SYCP1: variants seen among roughly 807,000 people sequenced by gnomAD.
SYCP1 encodes the protein synaptonemal complex protein 1.
SYCP1 carries 64 observed loss-of-function variants against 153.1 expected under a neutral mutation model. The ratio of observed to expected loss-of-function variants is 0.42; its 90% CI spans 0.34 to 0.51. The LOEUF is 0.51. Among genes scored for constraint, SYCP1 ranks in the 20% least tolerant of loss-of-function variants. The probability of loss-of-function intolerance (pLI) is 0.06; values close to 1 mark genes in which losing one functional copy is unlikely to be tolerated. For synonymous variants in SYCP1, 384 were observed against 341.8 expected, an observed-to-expected ratio of 1.12 and a Z score of -1.36; for missense variants, 997 against 1,049.0, an observed-to-expected ratio of 0.95 and a Z score of 0.68.
At chr1:114,957,394 G>C (rs1310768394) in intron 27 of SYCP1, among the ~76,000 whole-genome samples, 1 of 152,158 alleles carries the variant, frequency 6.6e-6, no homozygotes, top group Non-Finnish European at 1.5e-5. Flanking sequence ...AAGATTATTT[G>C]AGTGAGACCT....
At chr1:114,921,507 T>A (rs1668873721) in intron 20 of SYCP1, among the ~76,000 whole-genome samples, 1 of 151,846 alleles carries the variant, frequency 6.6e-6, no homozygotes, top group African/African-American at 2.4e-5. Flanking sequence ...GGTGAAACCC[T>A]GTCTCTACTA....
intron 16 of SYCP1, among the ~76,000 whole-genome samples, chr1:114,897,683 T>C (rs1376408041): frequency 6.6e-6 from 1 of 152,160 alleles, no homozygotes; most frequent in African/African-American, 2.4e-5. Context: ...AAGGTTTTTT[T>C]CCAAAGGAGT....
chr1:114,880,088 G>C (rs928089773), intron 12 of SYCP1, among the ~76,000 whole-genome samples: 1 of 151,654 alleles, frequency 6.6e-6, no homozygotes, highest in Non-Finnish European at 1.5e-5. Context: ...TATTTCTATC[G>C]TTTCTTTTTT....
upstream of SYCP1, among the ~76,000 whole-genome samples, chr1:114,854,345 A>G (rs1229116530): frequency 1.3e-5 from 2 of 151,894 alleles, no homozygotes; most frequent in Admixed American, 6.5e-5. Flanking sequence ...CGTTGCCCAG[A>G]CTGGTCTTGA....
At chr1:114,906,370 C>T (rs149641695) in intron 16 of SYCP1, among the ~76,000 whole-genome samples, 115 of 152,120 alleles carry the variant, frequency 7.6e-4, no homozygotes, top group Non-Finnish European at 1.3e-3. Context: ...TTTTCAATCT[C>T]ATTGTTTTCT....
At chr1:114,869,570 A>G (rs1241283029) in intron 8 of SYCP1, among the ~76,000 whole-genome samples, 3 of 152,184 alleles carry the variant, frequency 2.0e-5, no homozygotes, top group Non-Finnish European at 4.4e-5. Context: ...ATCCAACTAC[A>G]GGTTAAGCAG....
At chr1:114,973,989 G>C (rs929349201) in intron 27 of SYCP1, among the ~76,000 whole-genome samples, 3 of 151,064 alleles carry the variant, frequency 2.0e-5, no homozygotes, top group Admixed American at 2.0e-4. Context: ...TGTTTTTTTT[G>C]GAAATAGTAT....
chr1:114,964,995 G>C (rs986592436), intron 27 of SYCP1, among the ~76,000 whole-genome samples: 5 of 152,160 alleles, frequency 3.3e-5, no homozygotes, highest in Non-Finnish European at 5.9e-5. Flanking sequence ...CTATCCATGA[G>C]CATGGAATGT....
intron 8 of SYCP1, among the ~76,000 whole-genome samples, chr1:114,862,101 A>G (rs958967143): frequency 6.6e-6 from 1 of 152,032 alleles, no homozygotes; most frequent in Non-Finnish European, 1.5e-5. Flanking sequence ...GCACCCGGCC[A>G]GGATTTTTAT....
chr1:114,930,054 G>A (rs546656691), intron 23 of SYCP1, among the ~76,000 whole-genome samples: 7 of 151,984 alleles, frequency 4.6e-5, no homozygotes, highest in South Asian at 2.1e-4. Context: ...GGAAAAGCCC[G>A]GATATTTGAG....
Position 114,947,293 on chromosome 1 carries a change from G to C in SYCP1, c.2295G>C (p.Lys765Asn). The part of the protein sequence containing the change: ...NLKAELLSVK[K>N]QLEIEREEKE... ...AAGCTGAACTTTTGTCTGTTAAGAA[G>C]CAACTTGAAATAGAAAGAGAAGAGA... is the stretch of plus-strand genomic sequence containing the variant. The change falls in exon 27 of 32, where the codon AAG (lysine) becomes AAC (asparagine). Residue 765 changes from lysine to asparagine, a missense_variant. Coordinates refer to ENST00000369522, the MANE Select transcript of SYCP1 (RefSeq NM_003176.4). The C allele has an allele frequency of 6.2e-7, 1 of 1,613,018 alleles. No individual in the cohort carries two copies. The highest frequency in any genetic ancestry group is 8.5e-7 in the Non-Finnish European group (1 of 1,179,566).
chr1:114,937,745 C>G (rs893736031), intron 23 of SYCP1, among the ~76,000 whole-genome samples: 2 of 152,142 alleles, frequency 1.3e-5, no homozygotes, highest in Admixed American at 6.5e-5. Context: ...AGGATATGAA[C>G]AGACACTTCT....
At position 114,886,189 on chromosome 1, in the gene SYCP1, A is replaced by G. The variant is rs1353776965; in HGVS notation, c.1070A>G (p.Glu357Gly). ...IATKTICQLTEEKETQMEESN... is the reference protein window; with the variant it reads ...IATKTICQLTGEKETQMEESN... ...ACAAAAACAATTTGTCAGCTAACTG[A>G]AGAAAAAGAAACTCAAATGGAAGAA... Residue 357 changes from glutamate to glycine, a missense_variant, in exon 14 of 32, where the codon GAA (glutamate) becomes GGA (glycine). By Grantham distance (98) the Glu-to-Gly change is moderately conservative (BLOSUM62 -2). Coordinates refer to ENST00000369522, the MANE Select transcript of SYCP1 (RefSeq NM_003176.4). 1.2e-6 allele frequency: 2 copies of G among 1,612,020 alleles called. No homozygotes were observed. Among genetic ancestry groups the G allele is most frequent in the African/African-American group, 2.7e-5 (2 of 74,816 alleles).
At chr1:114,903,527 T>C (rs770397119) in intron 16 of SYCP1, among the ~76,000 whole-genome samples, 27 of 152,152 alleles carry the variant, frequency 1.8e-4, no homozygotes, top group Non-Finnish European at 3.1e-4. Flanking sequence ...GAGTACATGA[T>C]GAAGTGAAAG....
At position 114,994,899 on chromosome 1, in the gene SYCP1, A is replaced by ACGGCC; in HGVS notation, c.2811_2812insCGGCC (p.Thr938ArgfsTer8). On this transcript the variant is annotated frameshift_variant, in exon 32 of 32. Transcript: ENST00000369522. LOFTEE classifies it high-confidence loss of function. Reference sequence around the variant, plus strand: ...GTACTCAGGCCCCTTCATCTCTAACAACCCCTGGATCTACACTGAAGTTTG... The same window carrying ACGGCC: ...GTACTCAGGCCCCTTCATCTCTAACACGGCCACCCCTGGATCTACACTGAAGTTTG... 1 of 1,593,478 alleles carries ACGGCC rather than the reference A, an allele frequency of 6.3e-7. No individual in the cohort carries two copies. Among genetic ancestry groups the ACGGCC allele is most frequent in the Non-Finnish European group, 8.5e-7 (1 of 1,170,630 alleles).
intron 16 of SYCP1, among the ~76,000 whole-genome samples, chr1:114,900,903 A>C (rs1667401024): frequency 6.6e-6 from 1 of 152,232 alleles, no homozygotes; most frequent in Admixed American, 6.5e-5. Flanking sequence ...CCACCTATTT[A>C]TATTTTGATG....
At chr1:114,946,794 C>T (rs1002504245) in intron 26 of SYCP1, among the ~76,000 whole-genome samples, 1 of 152,100 alleles carries the variant, frequency 6.6e-6, no homozygotes, top group African/African-American at 2.4e-5. Flanking sequence ...GGCTGGAGTG[C>T]ACTGGCATGA....
chr1:114,974,529 C>T (rs1672691160), intron 27 of SYCP1, among the ~76,000 whole-genome samples: 1 of 151,796 alleles, frequency 6.6e-6, no homozygotes, highest in Non-Finnish European at 1.5e-5. Context: ...TCCTTGGCAA[C>T]CACCTTTGCA....
intron 30 of SYCP1, among the ~76,000 whole-genome samples, chr1:114,988,834 G>T (rs949216167): frequency 5.9e-5 from 9 of 151,916 alleles, no homozygotes; most frequent in Non-Finnish European, 1.2e-4. Context: ...CATATAAATG[G>T]TTAATTTATG....
Sources: gnomAD v4.1 joint callset for allele counts (sites outside exome capture counted in the v4.1 genomes callset) on GRCh38, gnomAD v4.1.1 for gene constraint, MANE v1.5 for transcripts, NCBI Gene and HGNC (gene_info 2026-07-23, HGNC 2026-07-21) for gene names.